The following SH3KBP1 variants were observed in gnomAD, a reference collection of about 807,000 sequenced individuals.
SH3KBP1 encodes the protein SH3 domain-containing kinase-binding protein 1.
In SH3KBP1, 8 loss-of-function variants were observed where a neutral mutation model predicts 50.1. The observed-to-expected ratio is 0.16, with a 90% CI of 0.09 to 0.29. SH3KBP1 has a LOEUF of 0.29. Ranked by LOEUF, SH3KBP1 falls within the 10% of genes least tolerant of loss-of-function variation. SH3KBP1 has a pLI of 1.00. For missense variants in SH3KBP1, 377 were observed against 535.2 expected, an observed-to-expected ratio of 0.70 and a Z score of 2.92; for synonymous variants, 227 against 218.6, an observed-to-expected ratio of 1.04 and a Z score of -0.34.
intron 7 of SH3KBP1, among the ~76,000 whole-genome samples, chrX:19,644,776 C>T (rs1569375114): frequency 9.1e-6 from 1 of 110,095 alleles, no homozygotes; most frequent in African/African-American, 3.3e-5. Context: ...ATTGTTTTTC[C>T]TTTTTTTTTA....
At position 19,852,636 on chromosome X, in the gene SH3KBP1, GAAAAAAA is replaced by G. The variant is rs760707711; in HGVS notation, c.5-16361_5-16355del. 6.7e-4 allele frequency among the ~76,000 whole-genome samples: 35 copies of G among 51,939 alleles called. No homozygotes were observed. In the South Asian group the frequency reaches 0.03, roughly 44 times the overall value. 45.1% of individuals were successfully genotyped at this position (51,939 alleles called of 115,157 possible). A position where few individuals can be genotyped will look rare whatever the true frequency, so the allele number is the denominator to read the frequency against. ...ATGTTCCAGATACTGTAGCTGCACA[GAAAAAAA>G]AAAAAAAAAAAAAATCCACGAACAT... On this transcript the variant is annotated intron_variant, in intron 1 of 17. Transcript: ENST00000397821.
chrX:19,768,473 A>T (rs1337522566), intron 2 of SH3KBP1, among the ~76,000 whole-genome samples: 1 of 97,952 alleles, frequency 1.0e-5, no homozygotes, highest in African/African-American at 3.8e-5. Flanking sequence ...AACTCCACCT[A>T]ACGCCACTGA....
At chrX:19,583,768 TAATA>T (rs1264366941) in intron 12 of SH3KBP1, among the ~76,000 whole-genome samples, 1 of 105,043 alleles carries the variant, frequency 9.5e-6, no homozygotes, top group Non-Finnish European at 1.9e-5. Context: ...TTATAATTAT[TAATA>T]ATTATGGTGC....
intron 1 of SH3KBP1, among the ~76,000 whole-genome samples, chrX:19,838,296 A>G (rs1321744235): frequency 3.6e-5 from 4 of 112,362 alleles, no homozygotes; most frequent in Non-Finnish European, 7.5e-5. Context: ...AAGGGGCAGG[A>G]AGCAGCCAGA....
chrX:19,673,425 C>G (rs1001646797), intron 6 of SH3KBP1, among the ~76,000 whole-genome samples: 3 of 111,643 alleles, frequency 2.7e-5, no homozygotes, highest in Non-Finnish European at 3.8e-5. Context: ...TGACTCCTGG[C>G]TTTTTCATTC....
intron 11 of SH3KBP1, among the ~76,000 whole-genome samples, chrX:19,591,859 A>G (rs1295963797): frequency 1.8e-5 from 2 of 112,342 alleles, no homozygotes; most frequent in Admixed American, 1.9e-4. Context: ...GTTATTTTTC[A>G]TCTGATGAGA....
chrX:19,536,504 C>T, intron 17 of SH3KBP1, 46 bp from the exon 18 acceptor site: 2 of 886,556 alleles, frequency 2.3e-6, no homozygotes, highest in Non-Finnish European at 3.2e-6. Flanking sequence ...AATGAATCGG[C>T]TGGTTTTATA....
chrX:19,809,264 G>A (rs1408343753), intron 2 of SH3KBP1, among the ~76,000 whole-genome samples: 4 of 111,870 alleles, frequency 3.6e-5, no homozygotes, highest in South Asian at 3.7e-4. Flanking sequence ...GGTAGCTCAC[G>A]CCTGTAATCC....
At chrX:19,814,479 T>C (rs1312367760) in intron 2 of SH3KBP1, among the ~76,000 whole-genome samples, 1 of 110,932 alleles carries the variant, frequency 9.0e-6, no homozygotes, top group African/African-American at 3.3e-5. Context: ...CTCCTATTGC[T>C]CTCCCCTGCC....
At chrX:19,854,746 G>A (rs1353649773) in intron 1 of SH3KBP1, among the ~76,000 whole-genome samples, 5 of 110,486 alleles carry the variant, frequency 4.5e-5, no homozygotes, top group African/African-American at 1.7e-4. Flanking sequence ...CTTCCCCCAA[G>A]AGCCCCATGG....
intron 1 of SH3KBP1, among the ~76,000 whole-genome samples, chrX:19,856,224 G>C (rs2068639682): frequency 9.0e-6 from 1 of 111,664 alleles, no homozygotes; most frequent in African/African-American, 3.3e-5. Context: ...GTGGGTTACT[G>C]ACAGTTTCTG....
intron 7 of SH3KBP1, among the ~76,000 whole-genome samples, chrX:19,635,222 TG>T (rs1202024648): frequency 6.3e-5 from 7 of 111,885 alleles, no homozygotes; most frequent in Non-Finnish European, 1.9e-5. Context: ...ATATACACCA[TG>T]GAATACTATG....
At chrX:19,819,829 A>G (rs1217701159) in intron 2 of SH3KBP1, among the ~76,000 whole-genome samples, 1 of 111,573 alleles carries the variant, frequency 9.0e-6, no homozygotes, top group Non-Finnish European at 1.9e-5. Context: ...ACATTCCTCC[A>G]TTCTAATGTA....
intron 13 of SH3KBP1, among the ~76,000 whole-genome samples, chrX:19,555,534 G>T (rs1041086826): frequency 8.9e-6 from 1 of 112,151 alleles, no homozygotes; most frequent in Non-Finnish European, 1.9e-5. Context: ...CTCCTAAATT[G>T]TTCTCTGCAT....
intron 1 of SH3KBP1, among the ~76,000 whole-genome samples, chrX:19,840,355 T>C (rs187700338): frequency 8.9e-6 from 1 of 112,909 alleles, no homozygotes; most frequent in East Asian, 2.8e-4. Flanking sequence ...AAAAAAATAA[T>C]GTGAAATAGC....
chrX:19,623,215 C>T, intron 8 of SH3KBP1, among the ~76,000 whole-genome samples: 1 of 110,978 alleles, frequency 9.0e-6, no homozygotes, highest in Non-Finnish European at 1.9e-5. Context: ...TTATTTTAAA[C>T]TGTAATTATG....
intron 3 of SH3KBP1, among the ~76,000 whole-genome samples, chrX:19,710,426 C>A (rs192772473): frequency 3.6e-5 from 4 of 111,849 alleles, no homozygotes; most frequent in Non-Finnish European, 7.5e-5. Context: ...CCAAACGCTA[C>A]GTCACAATGC....
chrX:19,618,844 T>C (rs1390852960), intron 8 of SH3KBP1, among the ~76,000 whole-genome samples: 2 of 107,581 alleles, frequency 1.9e-5, no homozygotes, highest in Admixed American at 1.0e-4. Context: ...GGTATGCCTG[T>C]AGTCCCACCT....
intron 9 of SH3KBP1, chrX:19,601,667 A>C (rs752739368): frequency 3.7e-4 from 41 of 111,304 alleles, no homozygotes; most frequent in African/African-American, 1.3e-3. Context: ...AGGGGACACA[A>C]ATGGACAGCT....
Sources: allele counts gnomAD v4.1 joint callset (sites outside exome capture counted in the v4.1 genomes callset), GRCh38; gene constraint gnomAD v4.1.1; transcripts MANE v1.5; gene names NCBI Gene and HGNC (gene_info 2026-07-23, HGNC 2026-07-21).